Variants in KAT6B observed in about 807,000 individuals in gnomAD.
KAT6B encodes the protein histone acetyltransferase KAT6B.
A neutral mutation model predicts 187.5 loss-of-function variants in KAT6B; 10 were observed. The ratio of observed to expected loss-of-function variants is 0.05; its 90% CI spans 0.03 to 0.09. KAT6B has a LOEUF of 0.09. Ranked by LOEUF, KAT6B falls within the 10% of genes least tolerant of loss-of-function variation. The pLI, the probability that KAT6B is intolerant of heterozygous loss-of-function variation, is 1.00. For synonymous variants in KAT6B, 861 were observed against 926.8 expected (o/e 0.93, Z 1.29); for missense variants, 1,952 against 2,558.9 (o/e 0.76, Z 5.12).
At chr10:74,991,266 G>A (rs1419782270) in intron 13 of KAT6B, among the ~76,000 whole-genome samples, 1 of 151,970 alleles carries the variant, frequency 6.6e-6, no homozygotes, top group African/African-American at 2.4e-5. Context: ...AAATTTTATT[G>A]ATATAAACTA....
At chr10:74,959,533 A>T (rs1005534881) in intron 3 of KAT6B, among the ~76,000 whole-genome samples, 1 of 152,116 alleles carries the variant, frequency 6.6e-6, no homozygotes, top group Non-Finnish European at 1.5e-5. Flanking sequence ...AATTTAAGAG[A>T]TTTATCCCAG....
At chr10:74,883,997 G>A (rs1343416153) in intron 3 of KAT6B, among the ~76,000 whole-genome samples, 2 of 152,132 alleles carry the variant, frequency 1.3e-5, no homozygotes, top group African/African-American at 2.4e-5. Flanking sequence ...ACTCCCTTAT[G>A]GTTTGTATTT....
At position 74,907,220 on chromosome 10, in the gene KAT6B, C is replaced by A. The variant is rs1423074865; in HGVS notation, c.622-52750C>A. 3.3e-5 allele frequency among the ~76,000 whole-genome samples: 5 copies of A among 152,340 alleles called. No individual in the cohort carries two copies. In the South Asian group the frequency reaches 6.2e-4, roughly 19 times the overall value. ...TGCTCTCACTACAAACAGAACCAGC[C>A]AAACCCACCACGATTTGCTTAGACA... On this transcript the variant is annotated intron_variant, in intron 3 of 17. Coordinates refer to ENST00000287239, the MANE Select transcript of KAT6B (RefSeq NM_012330.4).
intron 17 of KAT6B, among the ~76,000 whole-genome samples, chr10:75,027,919 T>C (rs1845998377): frequency 6.6e-6 from 1 of 152,116 alleles, no homozygotes; most frequent in Non-Finnish European, 1.5e-5. Context: ...TTTGGGTATT[T>C]AGTTATTTAC....
At chr10:74,990,196 C>CA (rs56300641) in intron 13 of KAT6B, among the ~76,000 whole-genome samples, 3,594 of 39,480 alleles carry the variant, frequency 0.091, 959 homozygotes, top group Non-Finnish European at 0.15. Flanking sequence ...GACTCTGTCT[C>CA]AAAAAAAAAA....
intron 1 of KAT6B, among the ~76,000 whole-genome samples, chr10:74,831,673 T>A (rs766668325): frequency 6.6e-6 from 1 of 152,246 alleles, no homozygotes; most frequent in African/African-American, 2.4e-5. Context: ...TCCAGCTGAC[T>A]GTATTGCCCT....
intron 3 of KAT6B, among the ~76,000 whole-genome samples, chr10:74,912,742 A>G (rs979636327): frequency 1.6e-4 from 25 of 152,208 alleles, no homozygotes; most frequent in African/African-American, 5.1e-4. Context: ...TTTTATACAA[A>G]TTGGGACACT....
In KAT6B at chr10:74,857,239, A is replaced by G. The variant is rs144977136; in HGVS notation, c.621+13761A>G. ...CAGTTCGGTAGGTCAGAAGTCCAAC[A>G]TGGGTTTCTTAGGTTAAAATGAAGG... On this transcript the variant is annotated intron_variant, in intron 3 of 17. Coordinates refer to ENST00000287239, the MANE Select transcript of KAT6B (RefSeq NM_012330.4). Among the ~76,000 whole-genome samples the G allele has an allele frequency of 3.9e-5, 6 of 152,314 alleles. No homozygotes were observed. The East Asian group carries it at 1.2e-3, about 29-fold the overall frequency.
chr10:75,030,496 T>TGCC lies in KAT6B; in HGVS notation c.5679_5681dup (p.Pro1894dup). The TGCC allele has an allele frequency of 6.2e-7, 1 of 1,611,650 alleles. No individual in the cohort carries two copies. Among genetic ancestry groups the TGCC allele is most frequent in the Non-Finnish European group, 8.5e-7 (1 of 1,177,992 alleles). ...AACCTGACTCCTCCTCCAATGAATC[T>TGCC]GCCGCCGCCTCTTTTGCAACGGAAC... On this transcript the variant is annotated inframe_insertion, in exon 18 of 18. Transcript: ENST00000287239. This position sits in a 1 kb window ranked among gnomAD's most constrained non-coding sequence, Gnocchi z 4.8.
chr10:75,027,061 C>T (rs771570858), intron 17 of KAT6B, among the ~76,000 whole-genome samples: 27 of 152,218 alleles, frequency 1.8e-4, no homozygotes, highest in African/African-American at 5.8e-4. Flanking sequence ...ATCGCTTGAA[C>T]CTGGGAGACA....
At chr10:74,843,939 T>C (rs2132081260) in intron 3 of KAT6B, among the ~76,000 whole-genome samples, 1 of 152,322 alleles carries the variant, frequency 6.6e-6, no homozygotes, top group Middle Eastern at 3.4e-3. Context: ...AGTGGCGCAG[T>C]CTTGACTCAC....
At chr10:74,956,747 G>GA (rs1179050754) in intron 3 of KAT6B, among the ~76,000 whole-genome samples, 1 of 152,188 alleles carries the variant, frequency 6.6e-6, no homozygotes, top group African/African-American at 2.4e-5. Flanking sequence ...GATTAAATGA[G>GA]ATAGTGCAGG....
At chr10:74,908,639 G>A (rs1267093518) in intron 3 of KAT6B, among the ~76,000 whole-genome samples, 1 of 151,376 alleles carries the variant, frequency 6.6e-6, no homozygotes, top group Non-Finnish European at 1.5e-5. Flanking sequence ...AATAGAAAAT[G>A]AACTAAGACA....
chr10:74,873,307 A>G (rs1284585366), intron 3 of KAT6B, among the ~76,000 whole-genome samples: 1 of 91,026 alleles, frequency 1.1e-5, no homozygotes, highest in Non-Finnish European at 1.9e-5. Context: ...CAAAAAATGA[A>G]AAAAAAAAAA....
intron 3 of KAT6B, among the ~76,000 whole-genome samples, chr10:74,912,166 A>ATT (rs573223816): frequency 4.0e-5 from 6 of 150,208 alleles, no homozygotes; most frequent in African/African-American, 1.5e-4. Flanking sequence ...ATTATGCTCA[A>ATT]TTTTTTTTTT....
At chr10:74,999,076 A>G (rs1048459592) in intron 13 of KAT6B, among the ~76,000 whole-genome samples, 6 of 152,266 alleles carry the variant, frequency 3.9e-5, no homozygotes, top group Admixed American at 3.3e-4. Context: ...AATTACAGAT[A>G]CTTTTTATTT....
At chr10:74,929,648 GA>G (rs1369748867) in intron 3 of KAT6B, among the ~76,000 whole-genome samples, 1 of 152,110 alleles carries the variant, frequency 6.6e-6, no homozygotes, top group Non-Finnish European at 1.5e-5. Context: ...TAATTAATGG[GA>G]AAATATATAT....
chr10:74,852,609 T>TC (rs1842544826), intron 3 of KAT6B, among the ~76,000 whole-genome samples: 1 of 152,176 alleles, frequency 6.6e-6, no homozygotes, highest in African/African-American at 2.4e-5. Context: ...GGTGAATGAG[T>TC]CTTTCTATTG....
At chr10:74,988,619 A>G (rs911659675) in intron 12 of KAT6B, among the ~76,000 whole-genome samples, 1 of 152,234 alleles carries the variant, frequency 6.6e-6, no homozygotes, top group African/African-American at 2.4e-5. Context: ...GATTATTATT[A>G]TATTTAGCAA....
Sources: gnomAD v4.1 joint callset for allele counts (sites outside exome capture counted in the v4.1 genomes callset) on GRCh38, gnomAD v4.1.1 for gene constraint, Gnocchi (gnomAD v3.1) non-coding constraint, MANE v1.5 for transcripts, NCBI Gene and HGNC (gene_info 2026-07-23, HGNC 2026-07-21) for gene names.